The following BAALC variants were observed in gnomAD, a reference collection of about 807,000 sequenced individuals.
BAALC encodes brain and acute leukemia cytoplasmic protein.
In BAALC, 9 loss-of-function variants were observed where a neutral mutation model predicts 15.5. The ratio of observed to expected loss-of-function variants is 0.58; its 90% CI spans 0.35 to 1.02. The LOEUF is 1.02. Among genes scored for constraint, BAALC ranks in the 50% least tolerant of loss-of-function variants. The pLI is 0.02. For synonymous variants in BAALC, 80 were observed against 74.6 expected, an observed-to-expected ratio of 1.07 and a Z score of -0.37; for missense variants, 201 against 192.4, an observed-to-expected ratio of 1.04 and a Z score of -0.27.
rs968020893 is a variant in BAALC at position 103,229,965 on chromosome 8, C to T, written c.*1866C>T. ...CTGCAAGTTCAAGGGCTCTTTCTCC[C>T]TGGGGATGTGCTTTGTGGCTTCTCT... On this transcript the variant is annotated 3_prime_UTR_variant, in exon 3 of 3. Coordinates refer to ENST00000309982, the MANE Select transcript of BAALC (RefSeq NM_024812.3). The T allele has an allele frequency of 5.3e-5, 8 of 152,238 alleles. No individual in the cohort carries two copies. The highest frequency in any genetic ancestry group is 5.2e-4 in the Admixed American group (8 of 15,290). 9.4% of individuals were successfully genotyped at this position (152,238 alleles called of 1,614,324 possible). A position where few individuals can be genotyped will look rare whatever the true frequency, so the allele number is the denominator to read the frequency against.
intron 1 of BAALC, among the ~76,000 whole-genome samples, chr8:103,154,227 A>C (rs1433795356): frequency 6.6e-6 from 1 of 152,090 alleles, no homozygotes; most frequent in Non-Finnish European, 1.5e-5. Flanking sequence ...TCCATTTTAC[A>C]GAAGGGGGTA....
intron 1 of BAALC, among the ~76,000 whole-genome samples, chr8:103,191,666 G>A (rs201955023): frequency 1.6e-4 from 25 of 152,012 alleles, no homozygotes; most frequent in East Asian, 3.9e-4. Flanking sequence ...AGCAGGTTAC[G>A]GACTTTACGG....
chr8:103,179,811 T>C (rs2129969720), intron 1 of BAALC, among the ~76,000 whole-genome samples: 1 of 152,278 alleles, frequency 6.6e-6, no homozygotes. Context: ...TGTAGGCAAA[T>C]AATTACTGTG....
chr8:103,204,710 GA>G (rs913574335), intron 1 of BAALC, among the ~76,000 whole-genome samples: 1 of 152,060 alleles, frequency 6.6e-6, no homozygotes. Flanking sequence ...CCATTGTCCA[GA>G]AAAAAATGAC....
intron 1 of BAALC, among the ~76,000 whole-genome samples, chr8:103,168,919 G>C (rs569911039): frequency 6.6e-6 from 1 of 152,102 alleles, no homozygotes; most frequent in East Asian, 1.9e-4. Context: ...TTAATCGATA[G>C]TTTGGCGGGG....
intron 1 of BAALC, among the ~76,000 whole-genome samples, chr8:103,163,407 T>C (rs1310864838): frequency 6.6e-6 from 1 of 152,098 alleles, no homozygotes; most frequent in Non-Finnish European, 1.5e-5. Context: ...GGCATCCAAA[T>C]ACTGTCAGCC....
rs141958527 is a variant in BAALC at position 103,145,632 on chromosome 8, A to C, written c.160+4575A>C. 7.7e-3 allele frequency among the ~76,000 whole-genome samples: 1,179 copies of C among 152,332 alleles called. 22 individuals carry two copies. The highest frequency in any genetic ancestry group is 0.027 in the African/African-American group (1,134 of 41,558). On this transcript the variant is annotated intron_variant, in intron 1 of 2. Transcript: ENST00000309982. ...TTGTTTTCCTGCTGTTGTTGTTGCC[A>C]TATTACCTTGAAGACTCACATTAAG... is the stretch of plus-strand genomic sequence containing the variant.
At chr8:103,142,288 T>G (rs1164397909) in intron 1 of BAALC, among the ~76,000 whole-genome samples, 1 of 152,254 alleles carries the variant, frequency 6.6e-6, no homozygotes, top group East Asian at 1.9e-4. Flanking sequence ...CCACATTAAC[T>G]TTGTGACTTG....
chr8:103,160,431 G>A (rs1811198640), intron 1 of BAALC, among the ~76,000 whole-genome samples: 3 of 152,142 alleles, frequency 2.0e-5, no homozygotes, highest in Non-Finnish European at 2.9e-5. Flanking sequence ...TAGGCATTAT[G>A]TTCCCTGCCT....
In BAALC at chr8:103,163,817, T is replaced by C. The variant is rs1459559565; in HGVS notation, c.160+22760T>C. ...CAAAATCACAAGCTCAGTTGAATTT[T>C]GTGTATTTATCACACAGAAAATCCT... On this transcript the variant is annotated intron_variant, in intron 1 of 2. Transcript: ENST00000309982. Among the ~76,000 whole-genome samples, 3 of 152,168 alleles carry C rather than the reference T, an allele frequency of 2.0e-5. No homozygotes were observed. The East Asian group carries it at 5.8e-4, about 29-fold the overall frequency.
At chr8:103,148,425 A>G (rs1810918781) in intron 1 of BAALC, among the ~76,000 whole-genome samples, 1 of 152,202 alleles carries the variant, frequency 6.6e-6, no homozygotes, top group Admixed American at 6.5e-5. Context: ...GTATGTATGC[A>G]TGGAGCACAT....
At chr8:103,213,253 A>G (rs1258904954) in intron 2 of BAALC, 168 bp downstream of exon 2, 1 of 686,548 alleles carries the variant, frequency 1.5e-6, no homozygotes, top group Admixed American at 3.0e-5. Context: ...ACCCCACCCC[A>G]AAACCCTGCC....
chr8:103,178,496 A>G (rs538090980), intron 1 of BAALC, among the ~76,000 whole-genome samples: 17 of 152,326 alleles, frequency 1.1e-4, no homozygotes, highest in African/African-American at 4.1e-4. Flanking sequence ...ATTGGGGGAA[A>G]TTAGAAAAGA....
intron 2 of BAALC, among the ~76,000 whole-genome samples, chr8:103,220,465 C>T (rs1812652422): frequency 6.6e-6 from 1 of 152,182 alleles, no homozygotes; most frequent in Non-Finnish European, 1.5e-5. Context: ...TTTGTCTTCA[C>T]ACATGTGTTC....
At chr8:103,213,441 G>A in intron 2 of BAALC, 1 of 175,212 alleles carries the variant, frequency 5.7e-6, no homozygotes. Context: ...TGGGGAGTGG[G>A]CAGAGGAAGG....
At chr8:103,143,426 GA>G (rs1349066689) in intron 1 of BAALC, among the ~76,000 whole-genome samples, 1 of 152,180 alleles carries the variant, frequency 6.6e-6, no homozygotes, top group African/African-American at 2.4e-5. Context: ...GTTGTTTTCT[GA>G]TGGGAGAGGT....
chr8:103,166,072 C>G (rs1811338961), intron 1 of BAALC: 1 of 152,632 alleles, frequency 6.6e-6, no homozygotes, highest in Admixed American at 6.6e-5. Flanking sequence ...AGCAGGTTCT[C>G]CATTGTTCGC....
At chr8:103,184,757 A>T (rs560116227) in intron 1 of BAALC, among the ~76,000 whole-genome samples, 1 of 152,328 alleles carries the variant, frequency 6.6e-6, no homozygotes, top group Admixed American at 6.5e-5. Context: ...CTTAAAATAG[A>T]TGAGCGTGGC....
At chr8:103,196,147 C>T (rs778920255) in intron 1 of BAALC, among the ~76,000 whole-genome samples, 1 of 152,194 alleles carries the variant, frequency 6.6e-6, no homozygotes, top group Non-Finnish European at 1.5e-5. Context: ...ATAAGCCCAT[C>T]AGGCCAGAAG....
Sources: allele counts gnomAD v4.1 joint callset (sites outside exome capture counted in the v4.1 genomes callset), GRCh38; gene constraint gnomAD v4.1.1; transcripts MANE v1.5; gene names NCBI Gene and HGNC (gene_info 2026-07-23, HGNC 2026-07-21).